Variants in UBAP2 observed in about 807,000 individuals in gnomAD.
The protein encoded by UBAP2 is ubiquitin-associated protein 2.
Under a neutral mutation model 139.6 loss-of-function variants are expected in UBAP2, and 75 were observed. The observed-to-expected ratio is 0.54, with a 90% CI of 0.45 to 0.65. UBAP2 has a LOEUF of 0.65. Ranked by LOEUF, UBAP2 falls within the 30% of genes least tolerant of loss-of-function variation. UBAP2 has a pLI of 0.00. For synonymous variants in UBAP2, 526 were observed against 526.2 expected (o/e 1.00, Z 0.01); for missense variants, 1,368 against 1,369.6 (o/e 1.00, Z 0.02).
At chr9:33,974,545 A>G (rs1033490045) in intron 6 of UBAP2, among the ~76,000 whole-genome samples, 3 of 152,206 alleles carry the variant, frequency 2.0e-5, no homozygotes, top group Non-Finnish European at 2.9e-5. Flanking sequence ...CAACAGAGTA[A>G]AAAGGCAACC....
intron 6 of UBAP2, among the ~76,000 whole-genome samples, chr9:33,981,535 T>TA (rs1303889607): frequency 2.0e-5 from 3 of 149,054 alleles, no homozygotes; most frequent in Non-Finnish European, 3.0e-5. Context: ...TTTTTTTTTT[T>TA]AAACAAAAAA....
At chr9:34,001,957 T>A (rs1822742498) in intron 2 of UBAP2, among the ~76,000 whole-genome samples, 1 of 151,584 alleles carries the variant, frequency 6.6e-6, no homozygotes, top group Non-Finnish European at 1.5e-5. Context: ...GTATTTATAT[T>A]TTTTCATTAA....
intron 1 of UBAP2, among the ~76,000 whole-genome samples, chr9:34,040,983 C>T (rs1302355599): frequency 6.6e-6 from 1 of 152,136 alleles, no homozygotes; most frequent in East Asian, 1.9e-4. Flanking sequence ...AAATTCCACT[C>T]TCAGTTATGT....
chr9:33,924,850 G>A (rs1334260598), intron 22 of UBAP2, among the ~76,000 whole-genome samples: 1 of 152,210 alleles, frequency 6.6e-6, no homozygotes, highest in Non-Finnish European at 1.5e-5. Context: ...TGACAGCTTT[G>A]AATGTGGCCC....
intron 1 of UBAP2, among the ~76,000 whole-genome samples, chr9:34,034,680 C>T (rs1281169207): frequency 6.6e-6 from 1 of 152,136 alleles, no homozygotes; most frequent in Non-Finnish European, 1.5e-5. Flanking sequence ...CAAGACCATC[C>T]TGGCTAACAT....
chr9:34,012,991 T>C (rs1156904570), intron 2 of UBAP2, among the ~76,000 whole-genome samples: 1 of 150,568 alleles, frequency 6.6e-6, no homozygotes, highest in Non-Finnish European at 1.5e-5. Flanking sequence ...CCCTCTCTAC[T>C]AAAACTACTA....
At chr9:33,950,233 TTTG>T (rs1476479563) in intron 12 of UBAP2, among the ~76,000 whole-genome samples, 6 of 151,966 alleles carry the variant, frequency 3.9e-5, no homozygotes, top group Non-Finnish European at 5.9e-5. Flanking sequence ...GCCCGGCTTT[TTTG>T]TTGTTGTTGT....
intron 15 of UBAP2, among the ~76,000 whole-genome samples, chr9:33,942,922 G>A (rs1329383241): frequency 6.6e-6 from 1 of 152,120 alleles, no homozygotes; most frequent in Non-Finnish European, 1.5e-5. Context: ...GTTACCATAT[G>A]ACTCAGCAAC....
At chr9:34,016,371 G>GGCA (rs1824337200) in intron 2 of UBAP2, among the ~76,000 whole-genome samples, 1 of 12,866 alleles carries the variant, frequency 7.8e-5, no homozygotes, top group Non-Finnish European at 3.2e-4. Context: ...CGGCAGCGGC[G>GGCA]GTGGTGGTGG....
At chr9:33,989,203 C>A in intron 4 of UBAP2, 77 bp from the exon 5 acceptor site, 96 of 1,187,526 alleles carry the variant, frequency 8.1e-5, no homozygotes, top group Non-Finnish European at 9.5e-5. Flanking sequence ...ATGTATCTTT[C>A]TTTTTTTTTT....
At chr9:33,937,431 A>C (rs1824652230) in intron 16 of UBAP2, among the ~76,000 whole-genome samples, 1 of 151,890 alleles carries the variant, frequency 6.6e-6, no homozygotes, top group African/African-American at 2.4e-5. Context: ...ACATAGTGAA[A>C]CCCCACCTAT....
At chr9:33,998,727 C>G (rs1171138388) in intron 3 of UBAP2, 60 bp downstream of exon 3, 1 of 1,483,658 alleles carries the variant, frequency 6.7e-7, no homozygotes, top group Non-Finnish European at 9.2e-7. Flanking sequence ...CTGAAATTAT[C>G]TTTTTAAGCA....
At chr9:33,988,262 A>G (rs1340072015) in intron 5 of UBAP2, among the ~76,000 whole-genome samples, 1 of 152,196 alleles carries the variant, frequency 6.6e-6, no homozygotes, top group African/African-American at 2.4e-5. Context: ...TATGCCTATA[A>G]AAGTATCCAC....
chr9:34,043,047 G>A (rs992938905), intron 1 of UBAP2, among the ~76,000 whole-genome samples: 3 of 151,978 alleles, frequency 2.0e-5, no homozygotes, highest in Non-Finnish European at 2.9e-5. Flanking sequence ...CATCCTGGGC[G>A]ACAAAGCAAG....
chr9:33,996,111 T>C (rs780125005), intron 4 of UBAP2, 112 bp downstream of exon 4: 16 of 721,960 alleles, frequency 2.2e-5, no homozygotes, highest in Non-Finnish European at 3.7e-5. Context: ...AAAACAAATA[T>C]GGAATGGCAC....
chr9:33,985,113 T>A (rs1399828107), intron 6 of UBAP2, among the ~76,000 whole-genome samples: 1 of 152,196 alleles, frequency 6.6e-6, no homozygotes, highest in African/African-American at 2.4e-5. Context: ...CATTAGCAGA[T>A]ATTTATACAA....
At chr9:33,941,571 A>T (rs1182529080) in intron 16 of UBAP2, 78 bp downstream of exon 16, 9 of 1,234,460 alleles carry the variant, frequency 7.3e-6, no homozygotes, top group Non-Finnish European at 9.4e-6. Context: ...AATCATATCC[A>T]AGAAGCATAA....
chr9:33,968,499 C>T (rs570190774), intron 8 of UBAP2: 24 of 521,564 alleles, frequency 4.6e-5, no homozygotes, highest in East Asian at 4.3e-4. Flanking sequence ...ACTAATGGGA[C>T]GCGGTACAAA....
chr9:33,992,655 CGG>C (rs1821815090), intron 4 of UBAP2, among the ~76,000 whole-genome samples: 19 of 128,426 alleles, frequency 1.5e-4, no homozygotes, highest in Middle Eastern at 3.6e-3. Context: ...ACTTATCGGG[CGG>C]AGGGGGGGGG....
Sources: gnomAD v4.1 joint callset for allele counts (sites outside exome capture counted in the v4.1 genomes callset) on GRCh38, gnomAD v4.1.1 for gene constraint, MANE v1.5 for transcripts, NCBI Gene and HGNC (gene_info 2026-07-23, HGNC 2026-07-21) for gene names.